Variants in ALK observed in about 807,000 individuals in gnomAD.
The protein encoded by ALK is ALK tyrosine kinase receptor.
A neutral mutation model predicts 163.1 loss-of-function variants in ALK; 74 were observed. The observed-to-expected ratio is 0.45, with a 90% CI of 0.38 to 0.55. The LOEUF (loss-of-function observed/expected upper bound fraction) is 0.55. ALK is among the 20% of genes least tolerant of loss of function. The probability of loss-of-function intolerance (pLI) is 0.00; values close to 1 mark genes in which losing one functional copy is unlikely to be tolerated. For synonymous variants in ALK, 960 were observed against 843.2 expected (o/e 1.14, Z -2.40); for missense variants, 2,063 against 2,105.3 (o/e 0.98, Z 0.39).
In ALK at chr2:29,612,564, G is replaced by T. The variant is rs547590262; in HGVS notation, c.953-80448C>A. Among the ~76,000 whole-genome samples the T allele has an allele frequency of 2.3e-3, 347 of 152,258 alleles. 6 individuals are homozygous for T. Among genetic ancestry groups the T allele is most frequent in the Non-Finnish European group, 1.0e-4 (7 of 68,024 alleles). ...CCTACCCAGAAGAGAGTTCTCCCTT[G>T]AGGTCATTCACTTTCCAATCAATGC... is the stretch of plus-strand genomic sequence containing the variant. On this transcript the variant is annotated intron_variant, in intron 3 of 28. Transcript: ENST00000389048.
chr2:29,551,628 T>C (rs1032285127), intron 3 of ALK, among the ~76,000 whole-genome samples: 2 of 152,070 alleles, frequency 1.3e-5, no homozygotes, highest in African/African-American at 4.8e-5. Flanking sequence ...AACTAGGAAG[T>C]TCATAAGCTC....
rs376261219 is a variant in ALK, at chr2:29,422,353, G to A, written c.1155-38494C>T. 2.7e-5 allele frequency among the ~76,000 whole-genome samples: 4 copies of A among 150,796 alleles called. No homozygotes were observed. In the East Asian group the frequency reaches 5.8e-4, roughly 22 times the overall value. ...CAGGGAAAGAGGCTTGTGAATGACT[G>A]ACTACATGTACCTAATTGGTGGGGT... On this transcript the variant is annotated intron_variant, in intron 4 of 28. Coordinates refer to ENST00000389048, the MANE Select transcript of ALK (RefSeq NM_004304.5).
chr2:29,358,857 T>C (rs1668318386), intron 5 of ALK, among the ~76,000 whole-genome samples: 1 of 152,154 alleles, frequency 6.6e-6, no homozygotes, highest in African/African-American at 2.4e-5. Flanking sequence ...CCTTACTACC[T>C]TACCAGCTCT....
At chr2:29,697,674 T>A (rs899498205) in intron 2 of ALK, among the ~76,000 whole-genome samples, 1 of 152,192 alleles carries the variant, frequency 6.6e-6, no homozygotes, top group African/African-American at 2.4e-5. Flanking sequence ...ACAGACAATA[T>A]GAGGAATTCA....
At chr2:29,908,078 C>T (rs867117568) in intron 1 of ALK, among the ~76,000 whole-genome samples, 6 of 152,018 alleles carry the variant, frequency 3.9e-5, no homozygotes, top group Non-Finnish European at 8.8e-5. Flanking sequence ...AGGCCTGAGA[C>T]CCACACTAAA....
intron 3 of ALK, among the ~76,000 whole-genome samples, chr2:29,694,286 A>C (rs1678488841): frequency 6.6e-6 from 1 of 152,240 alleles, no homozygotes; most frequent in Non-Finnish European, 1.5e-5. Flanking sequence ...GCATCACACC[A>C]AGCAAATGTG....
At chr2:29,716,530 A>C (rs1042874294) in intron 2 of ALK, among the ~76,000 whole-genome samples, 1 of 152,160 alleles carries the variant, frequency 6.6e-6, no homozygotes, top group African/African-American at 2.4e-5. Flanking sequence ...GAGGAATCTT[A>C]TACCATGTAA....
At chr2:29,343,967 A>C (rs1667874889) in intron 5 of ALK, among the ~76,000 whole-genome samples, 1 of 152,180 alleles carries the variant, frequency 6.6e-6, no homozygotes, top group Non-Finnish European at 1.5e-5. Flanking sequence ...TTTAGGGAAA[A>C]AAGGTGAGAA....
chr2:29,442,417 G>C (rs901847642), intron 4 of ALK, among the ~76,000 whole-genome samples: 3 of 152,292 alleles, frequency 2.0e-5, no homozygotes, highest in Admixed American at 2.0e-4. Context: ...TAACCACAGA[G>C]CTCTGGACAG....
intron 4 of ALK, among the ~76,000 whole-genome samples, chr2:29,530,915 T>G (rs1181842833): frequency 3.3e-5 from 5 of 152,230 alleles, no homozygotes; most frequent in African/African-American, 1.2e-4. Flanking sequence ...TGCAGCAGCT[T>G]GTAGTCCTTC....
chr2:29,508,215 C>G (rs1187024185), intron 4 of ALK, among the ~76,000 whole-genome samples: 2 of 152,166 alleles, frequency 1.3e-5, no homozygotes, highest in Non-Finnish European at 1.5e-5. Context: ...GTTCTGGCCT[C>G]TAGCTTCAGT....
At chr2:29,899,161 T>C (rs1432745340) in intron 1 of ALK, among the ~76,000 whole-genome samples, 2 of 152,210 alleles carry the variant, frequency 1.3e-5, no homozygotes, top group African/African-American at 4.8e-5. Context: ...GCAATGCCTG[T>C]GTTAACAAAC....
intron 4 of ALK, among the ~76,000 whole-genome samples, chr2:29,484,397 A>G (rs1256505101): frequency 2.6e-5 from 4 of 152,122 alleles, no homozygotes; most frequent in Non-Finnish European, 5.9e-5. Flanking sequence ...ACACTGCTGG[A>G]TCTGGGTCCT....
chr2:29,351,712 G>A, intron 5 of ALK, among the ~76,000 whole-genome samples: 1 of 152,226 alleles, frequency 6.6e-6, no homozygotes, highest in East Asian at 1.9e-4. Flanking sequence ...AGGTAAGGCT[G>A]GAGAGGCTAA....
chr2:29,349,723 G>A (rs1451508216), intron 5 of ALK, among the ~76,000 whole-genome samples: 2 of 152,232 alleles, frequency 1.3e-5, no homozygotes, highest in African/African-American at 2.4e-5. Context: ...CTCATAGGCA[G>A]GAGCTATGTC....
intron 3 of ALK, among the ~76,000 whole-genome samples, chr2:29,629,918 T>A (rs1253548708): frequency 5.3e-5 from 8 of 152,182 alleles, no homozygotes; most frequent in Non-Finnish European, 8.8e-5. Context: ...CATTCCTAGA[T>A]CTATAAAATG....
intron 3 of ALK, among the ~76,000 whole-genome samples, chr2:29,615,043 T>C (rs1157977649): frequency 6.6e-6 from 1 of 152,146 alleles, no homozygotes; most frequent in Non-Finnish European, 1.5e-5. Flanking sequence ...GGTCTTGAAC[T>C]CCTGAACTCA....
At chr2:29,390,439 T>G (rs1180579178) in intron 4 of ALK, among the ~76,000 whole-genome samples, 1 of 152,254 alleles carries the variant, frequency 6.6e-6, no homozygotes, top group Admixed American at 6.5e-5. Flanking sequence ...CAAGCCACAC[T>G]GCTGGCATTC....
At chr2:29,231,901 G>A (rs1294122987) in intron 15 of ALK, among the ~76,000 whole-genome samples, 1 of 152,162 alleles carries the variant, frequency 6.6e-6, no homozygotes, top group African/African-American at 2.4e-5. Context: ...GGCAGCCCAG[G>A]GCCTGGAGGT....
Sources: gnomAD v4.1 joint callset for allele counts (sites outside exome capture counted in the v4.1 genomes callset) on GRCh38, gnomAD v4.1.1 for gene constraint, MANE v1.5 for transcripts, NCBI Gene and HGNC (gene_info 2026-07-23, HGNC 2026-07-21) for gene names.